RALYL: variants seen among roughly 807,000 people sequenced by gnomAD.
The protein encoded by RALYL is RALY RNA binding protein like.
Under a neutral mutation model 35.1 loss-of-function variants are expected in RALYL, and 29 were observed. The observed-to-expected ratio is 0.83, with a 90% CI of 0.61 to 1.13. The LOEUF (loss-of-function observed/expected upper bound fraction) is 1.13, where lower values mean the gene tolerates loss of function less well. RALYL is among the 50% of genes most tolerant of loss of function. The pLI, the probability that RALYL is intolerant of heterozygous loss-of-function variation, is 0.00. For missense variants in RALYL, 359 were observed against 360.4 expected (o/e 1.00, Z 0.03); for synonymous variants, 120 against 127.6 (o/e 0.94, Z 0.40).
intron 1 of RALYL, among the ~76,000 whole-genome samples, chr8:84,354,084 G>A (rs1851407026): frequency 1.4e-5 from 2 of 147,856 alleles, no homozygotes; most frequent in African/African-American, 5.0e-5. Context: ...TTTTCACACA[G>A]CCCTTTAAAA....
chr8:84,903,851 TAA>T (rs1846080501), intron 8 of RALYL, among the ~76,000 whole-genome samples: 1 of 152,160 alleles, frequency 6.6e-6, no homozygotes, highest in Non-Finnish European at 1.5e-5. Context: ...TTAGTGACAT[TAA>T]GAGTTTTATG....
chr8:84,320,257 AGT>A (rs1291807447), intron 1 of RALYL, among the ~76,000 whole-genome samples: 1 of 152,032 alleles, frequency 6.6e-6, no homozygotes, highest in African/African-American at 2.4e-5. Flanking sequence ...ATGAAATATA[AGT>A]GAGTACATGA....
At chr8:84,498,738 A>G (rs1482771978) in intron 1 of RALYL, among the ~76,000 whole-genome samples, 1 of 152,208 alleles carries the variant, frequency 6.6e-6, no homozygotes, top group African/African-American at 2.4e-5. Flanking sequence ...TAATGATAAC[A>G]CACTTTTCAA....
chr8:84,647,474 A>G (rs920553896), intron 2 of RALYL, among the ~76,000 whole-genome samples: 1 of 152,116 alleles, frequency 6.6e-6, no homozygotes, highest in Non-Finnish European at 1.5e-5. Context: ...AAATCTATCT[A>G]CATGATTTCA....
intron 2 of RALYL, among the ~76,000 whole-genome samples, chr8:84,765,679 T>C (rs1813751744): frequency 6.6e-6 from 1 of 152,104 alleles, no homozygotes. Flanking sequence ...TTGTCAAACA[T>C]AACAGACTGT....
In RALYL at chr8:84,399,700, T is replaced by C. The variant is rs142832483; in HGVS notation, c.-23-129599T>C. Among the ~76,000 whole-genome samples the C allele has an allele frequency of 3.3e-5, 5 of 152,308 alleles. No homozygotes were observed. In the East Asian group the frequency reaches 5.8e-4, roughly 18 times the overall value. On this transcript the variant is annotated intron_variant, in intron 1 of 8. Coordinates refer to ENST00000521268, the MANE Select transcript of RALYL (RefSeq NM_173848.7). ...GAAACATGCAGAGAACAGAATTACA[T>C]TGTAATTACATTGTAATCACAATGT...
intron 1 of RALYL, among the ~76,000 whole-genome samples, chr8:84,201,465 G>C (rs938283700): frequency 3.9e-5 from 6 of 152,138 alleles, no homozygotes; most frequent in East Asian, 1.9e-4. Flanking sequence ...GTATGAGTGT[G>C]AGTGTGTGTG....
intron 1 of RALYL, among the ~76,000 whole-genome samples, chr8:84,283,762 G>T (rs1837070657): frequency 1.3e-5 from 2 of 152,090 alleles, no homozygotes; most frequent in South Asian, 2.1e-4. Context: ...AAGAGAAATT[G>T]CAGGAGGGGC....
At chr8:84,356,801 C>A (rs377600771) in intron 1 of RALYL, among the ~76,000 whole-genome samples, 2 of 150,218 alleles carry the variant, frequency 1.3e-5, no homozygotes, top group Non-Finnish European at 3.0e-5. Context: ...ATGTTATGCT[C>A]TCTTTGTCAT....
chr8:84,415,374 G>C (rs928151004), intron 1 of RALYL, among the ~76,000 whole-genome samples: 2 of 151,570 alleles, frequency 1.3e-5, no homozygotes, highest in Admixed American at 6.6e-5. Flanking sequence ...CTAGTAGCTG[G>C]GATTACAGGC....
chr8:84,269,693 GATC>G (rs1833944566), intron 1 of RALYL, among the ~76,000 whole-genome samples: 1 of 152,016 alleles, frequency 6.6e-6, no homozygotes, highest in South Asian at 2.1e-4. Context: ...TCTTAAGAAA[GATC>G]ATCAACTCTG....
intron 2 of RALYL, among the ~76,000 whole-genome samples, chr8:84,549,812 GTT>G (rs1390715229): frequency 6.6e-6 from 1 of 152,104 alleles, no homozygotes; most frequent in Non-Finnish European, 1.5e-5. Context: ...AATTGCCTAT[GTT>G]TGAGCCTAAA....
At chr8:84,712,613 T>C (rs1377448252) in intron 2 of RALYL, among the ~76,000 whole-genome samples, 2 of 152,184 alleles carry the variant, frequency 1.3e-5, no homozygotes, top group African/African-American at 4.8e-5. Flanking sequence ...ATATGTCACC[T>C]GCTCTTTTAA....
At chr8:84,511,802 T>G (rs761177801) in intron 1 of RALYL, among the ~76,000 whole-genome samples, 1 of 152,154 alleles carries the variant, frequency 6.6e-6, no homozygotes, top group Non-Finnish European at 1.5e-5. Context: ...AATATTTGTC[T>G]TTCTAGGCCT....
intron 8 of RALYL, among the ~76,000 whole-genome samples, chr8:84,897,214 A>G (rs1270968700): frequency 6.6e-6 from 1 of 152,204 alleles, no homozygotes; most frequent in Non-Finnish European, 1.5e-5. Context: ...AAAGTAAACA[A>G]GTAAATTGCC....
chr8:84,482,891 T>C (rs1168339323), intron 1 of RALYL, among the ~76,000 whole-genome samples: 1 of 152,118 alleles, frequency 6.6e-6, no homozygotes, highest in Admixed American at 6.6e-5. Flanking sequence ...GTTGAGACAT[T>C]AAAGTCCTAT....
intron 2 of RALYL, among the ~76,000 whole-genome samples, chr8:84,575,033 G>A (rs973122962): frequency 6.6e-6 from 1 of 152,100 alleles, no homozygotes; most frequent in Non-Finnish European, 1.5e-5. Context: ...CCTTGATGAT[G>A]CAGATAACTT....
At chr8:84,425,260 T>C (rs1337655025) in intron 1 of RALYL, among the ~76,000 whole-genome samples, 3 of 151,996 alleles carry the variant, frequency 2.0e-5, no homozygotes, top group Non-Finnish European at 2.9e-5. Context: ...TGGTGCGCCG[T>C]TTTTTAAGCC....
At chr8:84,203,906 G>A (rs1817486720) in intron 1 of RALYL, among the ~76,000 whole-genome samples, 1 of 151,990 alleles carries the variant, frequency 6.6e-6, no homozygotes, top group South Asian at 2.1e-4. Flanking sequence ...AAAATATCCA[G>A]AGAGTATCTC....
Sources: allele counts gnomAD v4.1 joint callset (sites outside exome capture counted in the v4.1 genomes callset), GRCh38; gene constraint gnomAD v4.1.1; transcripts MANE v1.5; gene names NCBI Gene and HGNC (gene_info 2026-07-23, HGNC 2026-07-21).